SLX9: variants seen among roughly 807,000 people sequenced by gnomAD.
SLX9 encodes SLX9 ribosome biogenesis factor.
In SLX9, 19 loss-of-function variants were observed where a neutral mutation model predicts 20.8. The ratio of observed to expected loss-of-function variants is 0.91; its 90% confidence interval spans 0.64 to 1.34. The LOEUF is 1.34. Ranked by LOEUF, SLX9 falls within the 40% of genes most tolerant of loss-of-function variation. SLX9 has a pLI of 0.00. For synonymous variants in SLX9, 113 were observed against 137.1 expected, an observed-to-expected ratio of 0.82 and a Z score of 1.23; for missense variants, 299 against 322.2, an observed-to-expected ratio of 0.93 and a Z score of 0.55.
intron 4 of SLX9, chr21:44,972,943 C>CACTGCTTGT (rs1246222703): frequency 8.0e-4 from 30 of 37,610 alleles, no homozygotes; most frequent in Middle Eastern, 5.9e-3. Flanking sequence ...CAGCTTGGGG[C>CACTGCTTGT]CCGCGGTCAC....
intron 2 of SLX9, among the ~76,000 whole-genome samples, chr21:44,950,615 G>C (rs996693277): frequency 2.0e-5 from 3 of 152,254 alleles, no homozygotes; most frequent in African/African-American, 7.2e-5. Flanking sequence ...AGGGGTCGGA[G>C]GTGTGGCCTA....
intron 4 of SLX9, among the ~76,000 whole-genome samples, chr21:44,968,781 C>A (rs1388919407): frequency 7.0e-6 from 1 of 143,536 alleles, no homozygotes; most frequent in Non-Finnish European, 1.5e-5. Flanking sequence ...GGAGACGGAG[C>A]CTTGCTCTGT....
chr21:44,952,483 A>G (rs889671802), intron 2 of SLX9, among the ~76,000 whole-genome samples: 1 of 152,244 alleles, frequency 6.6e-6, no homozygotes, highest in South Asian at 2.1e-4. Flanking sequence ...TTCCATCACC[A>G]GAAGGTTGGC....
intron 3 of SLX9, among the ~76,000 whole-genome samples, chr21:44,963,367 C>T (rs2084979970): frequency 7.8e-6 from 1 of 128,648 alleles, no homozygotes; most frequent in South Asian, 2.7e-4. Context: ...GGATTACAGG[C>T]GTGAGAACTT....
At chr21:44,943,921 TC>T in intron 2 of SLX9, 84 bp downstream of exon 2, 1 of 1,572,934 alleles carries the variant, frequency 6.4e-7, no homozygotes, top group Non-Finnish European at 8.7e-7. Context: ...TCAGCAGCTT[TC>T]CAGCTAACCT....
chr21:44,974,644 C>T (rs1232582732), intron 5 of SLX9, among the ~76,000 whole-genome samples: 2 of 152,214 alleles, frequency 1.3e-5, no homozygotes, highest in African/African-American at 4.8e-5. Context: ...AGGCTCACTG[C>T]AGCCTCCGCC....
At position 44,940,124 on chromosome 21, in the gene SLX9, G is replaced by A. The variant is rs958440964; in HGVS notation, c.67G>A (p.Ala23Thr). 25 of 1,363,550 alleles carry A rather than the reference G, an allele frequency of 1.8e-5. No homozygotes were observed. In the Admixed American group the frequency reaches 4.0e-4, roughly 22 times the overall value. The allele number at this position is 1,363,550 out of a possible 1,614,324, so 84.5% of individuals were successfully genotyped here. A position where few individuals can be genotyped will look rare whatever the true frequency, so the allele number is the denominator to read the frequency against. The change falls in exon 1 of 6, where the codon GCC (alanine) becomes ACC (threonine). Residue 23 changes from alanine (A) to threonine (T), a missense_variant. Physicochemically the swap from Ala to Thr is moderately conservative, Grantham distance 58. Transcript: ENST00000291634. ...TGCCGTGAGGCCGAAAGGGGAGGCC[G>A]CCCCCGGCCCCGCGCCCCCTGCCCC... ...QAAVRPKGEA[A>T]PGPAPPAPEA...
chr21:44,943,584 G>A, intron 1 of SLX9, 100 bp from the exon 2 acceptor site: 1 of 1,486,632 alleles, frequency 6.7e-7, no homozygotes, highest in Non-Finnish European at 9.2e-7. Flanking sequence ...GGGAATCCAG[G>A]TTCTTGTCTT....
intron 3 of SLX9, among the ~76,000 whole-genome samples, chr21:44,966,103 G>A (rs1296150587): frequency 6.6e-6 from 1 of 152,134 alleles, no homozygotes; most frequent in African/African-American, 2.4e-5. Context: ...AACACACCCT[G>A]CTACAGGGAC....
chr21:44,970,992 G>A (rs1035721919), intron 4 of SLX9, among the ~76,000 whole-genome samples: 1 of 152,190 alleles, frequency 6.6e-6, no homozygotes, highest in South Asian at 2.1e-4. Context: ...CCAGGGCAGG[G>A]CCCGTGTTTG....
intron 2 of SLX9, among the ~76,000 whole-genome samples, chr21:44,953,282 G>A (rs528668070): frequency 6.6e-6 from 1 of 152,198 alleles, no homozygotes; most frequent in Non-Finnish European, 1.5e-5. Context: ...GTTTTCTGAT[G>A]TGTGCTTGTC....
intron 1 of SLX9, 24 bp from the exon 2 acceptor site, chr21:44,943,660 G>A (rs763483733): frequency 1.4e-5 from 23 of 1,610,254 alleles, no homozygotes; most frequent in Admixed American, 5.0e-5. Context: ...TCTTCTTTTC[G>A]TCCGTTTTTG....
At chr21:44,957,564 A>T (rs1218294605) in intron 2 of SLX9, among the ~76,000 whole-genome samples, 1 of 152,240 alleles carries the variant, frequency 6.6e-6, no homozygotes, top group Non-Finnish European at 1.5e-5. Flanking sequence ...CCCAGGACCC[A>T]GATCGCAGGA....
chr21:44,974,355 G>T (rs73909908), intron 5 of SLX9, among the ~76,000 whole-genome samples: 1,631 of 152,248 alleles, frequency 0.011, 24 homozygotes, highest in Middle Eastern at 0.017. Context: ...GTACAGTTAT[G>T]TTGGGAAGCT....
At chr21:44,942,199 A>G (rs949808261) in intron 1 of SLX9, among the ~76,000 whole-genome samples, 13 of 152,188 alleles carry the variant, frequency 8.5e-5, no homozygotes, top group African/African-American at 2.7e-4. Context: ...ACATACATTC[A>G]TGATCTGGAA....
At chr21:44,957,480 T>C (rs1466806396) in intron 2 of SLX9, among the ~76,000 whole-genome samples, 1 of 152,236 alleles carries the variant, frequency 6.6e-6, no homozygotes, top group Non-Finnish European at 1.5e-5. Flanking sequence ...CCACCATCCA[T>C]CTGCCCTGTG....
At chr21:44,967,319 C>T (rs2085056272) in intron 4 of SLX9, 138 bp downstream of exon 4, 2 of 1,270,174 alleles carry the variant, frequency 1.6e-6, no homozygotes, top group East Asian at 2.6e-5. Flanking sequence ...CCAGCCGGTG[C>T]TCCGCACAGG....
intron 3 of SLX9, among the ~76,000 whole-genome samples, chr21:44,963,092 CTT>C (rs770861444): frequency 1.7e-4 from 24 of 140,358 alleles, no homozygotes; most frequent in Non-Finnish European, 2.2e-4. Flanking sequence ...CATTTTCTTT[CTT>C]TTTTTTTTTT....
At chr21:44,976,432 C>T (rs1426116364) in intron 5 of SLX9, among the ~76,000 whole-genome samples, 3 of 152,210 alleles carry the variant, frequency 2.0e-5, no homozygotes, top group Admixed American at 2.0e-4. Flanking sequence ...CCCAGACTTG[C>T]TGGCTGGGTG....
Sources: allele counts gnomAD v4.1 joint callset (sites outside exome capture counted in the v4.1 genomes callset), GRCh38; gene constraint gnomAD v4.1.1; transcripts MANE v1.5; gene names NCBI Gene and HGNC (gene_info 2026-07-23, HGNC 2026-07-21).